ENGASE: variants seen among roughly 807,000 people sequenced by gnomAD.
ENGASE encodes the protein endo-beta-N-acetylglucosaminidase.
A neutral mutation model predicts 78.5 loss-of-function variants in ENGASE; 69 were observed. The ratio of observed to expected loss-of-function variants is 0.88; its 90% CI spans 0.72 to 1.07. The LOEUF (loss-of-function observed/expected upper bound fraction) is 1.07, where lower values mean the gene tolerates loss of function less well. Among genes scored for constraint, ENGASE ranks in the 50% least tolerant of loss-of-function variants. The probability of loss-of-function intolerance (pLI) is 0.00; values close to 1 mark genes in which losing one functional copy is unlikely to be tolerated. For missense variants in ENGASE, 943 were observed against 988.4 expected, an observed-to-expected ratio of 0.95 and a Z score of 0.62; for synonymous variants, 408 against 408.9, an observed-to-expected ratio of 1.00 and a Z score of 0.03.
Position 79,083,495 on chromosome 17 carries a change from C to T in ENGASE, c.1156C>T (p.Leu386=). ...FQNQDKFWGR[L]ERYLPTHSIC... ...TGTCTCTGGCAGGTTCTGGGGCCGACTGGAGCGTTATCTGCCCACACATAG... is the reference window on the plus strand; with the variant it reads ...TGTCTCTGGCAGGTTCTGGGGCCGATTGGAGCGTTATCTGCCCACACATAG... The change falls in exon 9 of 14, where the codon CTG becomes TTG. Residue 386 remains leucine, a synonymous_variant. Transcript: ENST00000579016. This position sits in a 1 kb window ranked among gnomAD's most constrained non-coding sequence, Gnocchi z 4.9. 6.2e-7 allele frequency: 1 copy of T among 1,614,084 alleles called. No individual in the cohort carries two copies. Among genetic ancestry groups the T allele is most frequent in the Non-Finnish European group, 8.5e-7 (1 of 1,179,926 alleles).
Position 79,083,667 on chromosome 17 carries a change from C to G in ENGASE, c.1251+77C>G. 1 of 1,566,806 alleles carries G rather than the reference C, an allele frequency of 6.4e-7. No homozygotes were observed. The highest frequency in any genetic ancestry group is 1.1e-5 in the South Asian group (1 of 88,618). On this transcript the variant is annotated intron_variant, in intron 9 of 13. Coordinates refer to ENST00000579016, the MANE Select transcript of ENGASE (RefSeq NM_001042573.3). This position sits in a 1 kb window ranked among gnomAD's most constrained non-coding sequence, Gnocchi z 4.9. ...GTGGGAGGAGCCTGGGACTTGCCAG[C>G]AGGCACGGTGGTGGTCTTACCCTTC... is the stretch of plus-strand genomic sequence containing the variant.
At position 79,086,031 on chromosome 17, in the gene ENGASE, G is replaced by GC. The variant is rs2073294000; in HGVS notation, c.1919dup (p.Ala641CysfsTer31). On this transcript the variant is annotated frameshift_variant, in exon 14 of 14. Transcript: ENST00000579016. LOFTEE classifies it low-confidence loss of function (END_TRUNC). ...AGCCATCCGCCTCTGAGCGGGAGGGGCCCCCTGCTCTGCTCCAGCTCAGCT... is the reference window on the plus strand; with the variant it reads ...AGCCATCCGCCTCTGAGCGGGAGGGGCCCCCCTGCTCTGCTCCAGCTCAGCT... 1.9e-6 allele frequency: 3 copies of GC among 1,612,836 alleles called. No homozygotes were observed. The highest frequency in any genetic ancestry group is 2.5e-6 in the Non-Finnish European group (3 of 1,180,032).
chr17:79,079,139 C>G (rs2073048001), intron 3 of ENGASE, among the ~76,000 whole-genome samples: 1 of 152,174 alleles, frequency 6.6e-6, no homozygotes, highest in Non-Finnish European at 1.5e-5. Flanking sequence ...TGTCCTTATT[C>G]TGCTTCCTGG....
In ENGASE at chr17:79,086,370, G is replaced by C. The variant is rs561925577; in HGVS notation, c.*21G>C. The C allele has an allele frequency of 6.3e-7, 1 of 1,596,918 alleles. No homozygotes were observed. The highest frequency in any genetic ancestry group is 1.7e-5 in the Admixed American group (1 of 59,470). On this transcript the variant is annotated 3_prime_UTR_variant, in exon 14 of 14. Transcript: ENST00000579016. ...CATGAGCGGATGCTAAGGCCGGGTG[G>C]TCTCCTGGCCTCGGGCTGAGGCCTC...
chr17:79,080,879 T>C (rs1319333856), intron 5 of ENGASE, 46 bp from the exon 6 acceptor site: 37 of 1,574,934 alleles, frequency 2.3e-5, no homozygotes, highest in Non-Finnish European at 3.2e-5. Flanking sequence ...TCATGATAGA[T>C]AGATCTGGGG....
intron 6 of ENGASE, 83 bp from the exon 7 acceptor site, chr17:79,081,815 G>T: frequency 6.6e-7 from 1 of 1,515,712 alleles, no homozygotes; most frequent in Non-Finnish European, 8.8e-7. Flanking sequence ...ACTAGGAGGG[G>T]AAAGGCTGAG....
Position 79,074,862 on chromosome 17 carries a change from C to A in ENGASE, c.-83C>A. ...GAGTCCCGTCCCAGCGCGGCGTCAG[C>A]GCTGCGCACTTCCCATTGGCCGAGC... On this transcript the variant is annotated 5_prime_UTR_variant, in exon 1 of 14. Coordinates refer to ENST00000579016, the MANE Select transcript of ENGASE (RefSeq NM_001042573.3). 8.2e-7 allele frequency: 1 copy of A among 1,214,790 alleles called. No homozygotes were observed. Among genetic ancestry groups the A allele is most frequent in the Non-Finnish European group, 1.0e-6 (1 of 975,512 alleles). 75.3% of individuals were successfully genotyped at this position (1,214,790 alleles called of 1,614,324 possible). A position where few individuals can be genotyped will look rare whatever the true frequency, so the allele number is the denominator to read the frequency against.
intron 1 of ENGASE, chr17:79,075,651 C>T: frequency 4.1e-6 from 4 of 977,324 alleles, no homozygotes; most frequent in Non-Finnish European, 4.9e-6. Flanking sequence ...CTTTGGGGGG[C>T]ACTTGCCCAC....
rs2072977942 is a variant in ENGASE, at chr17:79,076,764, G to T, written c.147-666G>T. Among the ~76,000 whole-genome samples the T allele has an allele frequency of 1.3e-5, 2 of 152,160 alleles. 1 individual carries two copies. Among genetic ancestry groups the T allele is most frequent in the South Asian group, 4.1e-4 (2 of 4,826 alleles). ...GGACCTGAAACTTTCTGGTGCTTTG[G>T]GTATTTGGATATTGCCCCTTGGCCA... On this transcript the variant is annotated intron_variant, in intron 1 of 13. Transcript: ENST00000579016.
At position 79,086,398 on chromosome 17, in the gene ENGASE, C is replaced by T. The variant is rs1326275361; in HGVS notation, c.*49C>T. The T allele has an allele frequency of 6.4e-7, 1 of 1,565,628 alleles. No homozygotes were observed. The highest frequency in any genetic ancestry group is 1.2e-5 in the South Asian group (1 of 83,982). On this transcript the variant is annotated 3_prime_UTR_variant, in exon 14 of 14. Coordinates refer to ENST00000579016, the MANE Select transcript of ENGASE (RefSeq NM_001042573.3). ...TCCTGGCCTCGGGCTGAGGCCTCTT[C>T]CCGGCTGTCTGCCCCTGGCCTGCGC...
rs190552559 is a variant in ENGASE, at chr17:79,084,434, G to C, written c.1443-104G>C. On this transcript the variant is annotated intron_variant, in intron 10 of 13. Coordinates refer to ENST00000579016, the MANE Select transcript of ENGASE (RefSeq NM_001042573.3). ...ACGATGTGGGAGCATTTGGCACCCAGGCCCCCTGTTCCTGGAGGGAGGGGC... is the reference window on the plus strand; with the variant it reads ...ACGATGTGGGAGCATTTGGCACCCACGCCCCCTGTTCCTGGAGGGAGGGGC... 124 of 1,209,010 alleles carry C rather than the reference G, an allele frequency of 1.0e-4. No individual in the cohort carries two copies. The African/African-American group carries it at 1.7e-3, about 17-fold the overall frequency. 74.9% of individuals were successfully genotyped at this position (1,209,010 alleles called of 1,614,324 possible).
chr17:79,081,716 C>G (rs1041734899), intron 6 of ENGASE, among the ~76,000 whole-genome samples, 182 bp from the exon 7 acceptor site: 10 of 133,954 alleles, frequency 7.5e-5, no homozygotes, highest in African/African-American at 2.8e-4. Context: ...GGCCCTGTCC[C>G]TCTGGGCTCT....
rs1452663458 is a variant in ENGASE at position 79,084,547 on chromosome 17, C to T, written c.1452C>T (p.Ser484=). The change falls in exon 11 of 14, where the codon TCC becomes TCT. Residue 484 remains serine, a synonymous_variant. Coordinates refer to ENST00000579016, the MANE Select transcript of ENGASE (RefSeq NM_001042573.3). Reference sequence around the variant, plus strand: ...GGACCTTTTTCCCCAGGTTATTTTCCCTGCAGGCCCCAGTGCCACCCAAGA... The same window carrying T: ...GGACCTTTTTCCCCAGGTTATTTTCTCTGCAGGCCCCAGTGCCACCCAAGA... ...EVGNVAVRLF[S]LQAPVPPKIY... The T allele has an allele frequency of 4.5e-6, 7 of 1,569,658 alleles. No homozygotes were observed. Among genetic ancestry groups the T allele is most frequent in the Non-Finnish European group, 6.0e-6 (7 of 1,163,184 alleles).
intron 1 of ENGASE, chr17:79,075,772 T>C (rs1177947770): frequency 1.0e-6 from 1 of 985,454 alleles, no homozygotes; most frequent in Non-Finnish European, 1.2e-6. Flanking sequence ...GTGAGACTGC[T>C]GAGCATTTCA....
Position 79,081,928 on chromosome 17 carries a change from C to T in ENGASE, c.903C>T (p.Phe301=), listed in dbSNP as rs188378332. The T allele has an allele frequency of 6.6e-5, 107 of 1,613,738 alleles. 1 individual carries two copies. In the African/African-American group the frequency reaches 1.2e-3, roughly 18 times the overall value. Residue 301 remains phenylalanine, a synonymous_variant, in exon 7 of 14, where the codon TTC becomes TTT. Transcript: ENST00000579016. ...RVFFDSCDGF[F]TNYNWREEHL... ...TCTTTGATTCCTGCGACGGCTTCTT[C>T]ACTAACTATAACTGGCGGGAGGAGC... is the stretch of plus-strand genomic sequence containing the variant.
intron 1 of ENGASE, among the ~76,000 whole-genome samples, chr17:79,076,904 G>A (rs1409763562): frequency 3.9e-5 from 6 of 152,100 alleles, no homozygotes; most frequent in African/African-American, 1.4e-4. Context: ...ATGGAGTCTC[G>A]TTCTGTTGCC....
intron 11 of ENGASE, 128 bp downstream of exon 11, chr17:79,084,814 C>T (rs1400053742): frequency 1.6e-5 from 17 of 1,055,300 alleles, no homozygotes; most frequent in East Asian, 9.9e-5. Context: ...CTGCCTTTGC[C>T]GGAGTCAGGG....
chr17:79,083,344 G>A lies in ENGASE; in HGVS notation c.1143-138G>A, dbSNP rs902670757. 1.2e-4 allele frequency: 88 copies of A among 718,330 alleles called. No individual in the cohort carries two copies. The highest frequency in any genetic ancestry group is 5.5e-4 in the African/African-American group (31 of 56,208). 44.5% of individuals were successfully genotyped at this position (718,330 alleles called of 1,614,324 possible). Reference sequence around the variant, plus strand: ...TCGTGTTTGCAGCGTATCTGTAGACGGGGAGGCTGCAGTCCTCCTGGAAGT... The same window carrying A: ...TCGTGTTTGCAGCGTATCTGTAGACAGGGAGGCTGCAGTCCTCCTGGAAGT... On this transcript the variant is annotated intron_variant, in intron 8 of 13. Transcript: ENST00000579016. This position sits in a 1 kb window ranked among gnomAD's most constrained non-coding sequence, Gnocchi z 4.9.
chr17:79,078,530 C>T (rs562199815), intron 3 of ENGASE, among the ~76,000 whole-genome samples: 4 of 152,262 alleles, frequency 2.6e-5, no homozygotes, highest in East Asian at 1.9e-4. Flanking sequence ...GTTTGGTGTT[C>T]GTCACCTTCT....
Sources: allele counts gnomAD v4.1 joint callset (sites outside exome capture counted in the v4.1 genomes callset), GRCh38; gene constraint gnomAD v4.1.1; non-coding constraint Gnocchi (gnomAD v3.1); transcripts MANE v1.5; gene names NCBI Gene and HGNC (gene_info 2026-07-23, HGNC 2026-07-21).